The following SPOCK3 variants were observed in gnomAD, a reference collection of about 807,000 sequenced individuals.
SPOCK3 encodes the protein testican-3.
In SPOCK3, 30 loss-of-function variants were observed where a neutral mutation model predicts 56.6. The observed-to-expected ratio is 0.53, with a 90% CI of 0.40 to 0.72. The LOEUF (loss-of-function observed/expected upper bound fraction) is 0.72. SPOCK3 is among the 30% of genes least tolerant of loss of function. SPOCK3 has a pLI of 0.00. For synonymous variants in SPOCK3, 196 were observed against 183.3 expected (o/e 1.07, Z -0.56); for missense variants, 527 against 530.0 (o/e 0.99, Z 0.06).
chr4:167,234,719 A>G (rs1037823924), upstream of SPOCK3: 14 of 164,832 alleles, frequency 8.5e-5, no homozygotes, highest in Middle Eastern at 3.1e-3. Flanking sequence ...TCCCAGCTAC[A>G]GTTGGCTCCG....
chr4:166,925,989 TTCTC>T (rs1234480232), intron 4 of SPOCK3, among the ~76,000 whole-genome samples: 11 of 152,190 alleles, frequency 7.2e-5, no homozygotes, highest in Non-Finnish European at 1.3e-4. Context: ...AATAAACTTC[TTCTC>T]TAAGTTACAC....
chr4:166,778,744 G>A (rs925808161), intron 7 of SPOCK3, among the ~76,000 whole-genome samples: 1 of 151,522 alleles, frequency 6.6e-6, no homozygotes, highest in South Asian at 2.1e-4. Flanking sequence ...TTCTAAAGCA[G>A]GAAGGGTATG....
At chr4:166,824,599 A>T (rs1745269177) in intron 6 of SPOCK3, among the ~76,000 whole-genome samples, 1 of 152,116 alleles carries the variant, frequency 6.6e-6, no homozygotes, top group Non-Finnish European at 1.5e-5. Flanking sequence ...AGACATGAGG[A>T]AGAATCAGCC....
intron 6 of SPOCK3, among the ~76,000 whole-genome samples, chr4:166,834,941 C>T (rs1746460724): frequency 1.3e-5 from 2 of 152,110 alleles, no homozygotes; most frequent in East Asian, 1.9e-4. Flanking sequence ...GTTTTACTAT[C>T]CCAACACTTT....
chr4:167,025,395 G>A (rs1751605616), intron 3 of SPOCK3, among the ~76,000 whole-genome samples: 2 of 151,820 alleles, frequency 1.3e-5, no homozygotes, highest in African/African-American at 2.4e-5. Flanking sequence ...AAGTTGAAAG[G>A]GTAAAAATAC....
intron 3 of SPOCK3, among the ~76,000 whole-genome samples, chr4:167,026,758 G>A (rs1412335893): frequency 6.7e-6 from 1 of 150,248 alleles, no homozygotes; most frequent in Non-Finnish European, 1.5e-5. Flanking sequence ...CATCCTGTAT[G>A]TTAAATTATT....
At chr4:167,223,204 A>T (rs1736229486) in intron 2 of SPOCK3, among the ~76,000 whole-genome samples, 1 of 135,922 alleles carries the variant, frequency 7.4e-6, no homozygotes, top group Non-Finnish European at 1.5e-5. Context: ...AATAATGTAT[A>T]TTTTATATGT....
intron 2 of SPOCK3, among the ~76,000 whole-genome samples, chr4:167,204,478 A>G (rs1733834152): frequency 6.6e-6 from 1 of 152,080 alleles, no homozygotes. Context: ...ACCAGGGGAA[A>G]TGCTAGACAC....
At chr4:166,866,969 T>A (rs918165431) in intron 6 of SPOCK3, among the ~76,000 whole-genome samples, 1 of 152,094 alleles carries the variant, frequency 6.6e-6, no homozygotes, top group Non-Finnish European at 1.5e-5. Flanking sequence ...AGCTTCTGAA[T>A]AAATATAATC....
Position 166,971,012 on chromosome 4 carries a change from C to A in SPOCK3, c.350+29337G>T, listed in dbSNP as rs548575734. Among the ~76,000 whole-genome samples, 5 of 152,232 alleles carry A rather than the reference C, an allele frequency of 3.3e-5. No homozygotes were observed. In the South Asian group the frequency reaches 8.3e-4, roughly 25 times the overall value. ...GAGTGGCTGGGATTATAGGCGCATA[C>A]CAGCATACCTGGCTTTGATTTTTTA... On this transcript the variant is annotated intron_variant, in intron 4 of 10. Transcript: ENST00000357545.
At chr4:167,153,759 A>G (rs2150421391) in intron 2 of SPOCK3, among the ~76,000 whole-genome samples, 1 of 152,366 alleles carries the variant, frequency 6.6e-6, no homozygotes, top group East Asian at 1.9e-4. Context: ...TTCAAATGAC[A>G]CATAGCATCA....
intron 6 of SPOCK3, among the ~76,000 whole-genome samples, chr4:166,829,293 T>C (rs528668051): frequency 6.6e-6 from 1 of 152,224 alleles, no homozygotes; most frequent in Admixed American, 6.5e-5. Flanking sequence ...AAGACTACCT[T>C]TGTAAAGAAT....
intron 2 of SPOCK3, among the ~76,000 whole-genome samples, chr4:167,087,873 C>T (rs187579750): frequency 1.3e-3 from 191 of 152,116 alleles, no homozygotes; most frequent in African/African-American, 4.5e-3. Context: ...CTTTAGCTAT[C>T]AGAATTGTGC....
chr4:167,021,917 T>C (rs1751224283), intron 3 of SPOCK3, among the ~76,000 whole-genome samples: 1 of 152,094 alleles, frequency 6.6e-6, no homozygotes, highest in Non-Finnish European at 1.5e-5. Flanking sequence ...CTTCGGTGGG[T>C]ATTAAGCTTA....
At position 167,058,688 on chromosome 4, in the gene SPOCK3, G is replaced by A. The variant is rs1020749675; in HGVS notation, c.235+3804C>T. Among the ~76,000 whole-genome samples the A allele has an allele frequency of 7.2e-4, 109 of 152,132 alleles. 1 individual carries two copies. The highest frequency in any genetic ancestry group is 2.4e-3 in the African/African-American group (100 of 41,506). On this transcript the variant is annotated intron_variant, in intron 3 of 10. Transcript: ENST00000357545. ...ATGGAACCAAAAAAGAGCCCGCATC[G>A]CCAAGTCAATCCTAAGCCAAATGAA...
chr4:167,234,015 C>T lies in SPOCK3; in HGVS notation c.159G>A (p.Lys53=). 6.2e-7 allele frequency: 1 copy of T among 1,613,990 alleles called. No homozygotes were observed. Among genetic ancestry groups the T allele is most frequent in the South Asian group, 1.1e-5 (1 of 91,086 alleles). ...QWLTTISQYD[K]EVGQWNKFRD... The stretch of plus-strand genomic sequence containing the variant: ...GGAATTTGTTCCACTGTCCGACTTC[C>T]TTGTCATACTGAGAGATTGTGGTGA... Residue 53 remains lysine, a synonymous_variant, in exon 2 of 11, where the codon AAG becomes AAA. Transcript: ENST00000357545.
intron 4 of SPOCK3, among the ~76,000 whole-genome samples, chr4:166,920,451 A>G (rs1307624682): frequency 6.6e-6 from 1 of 152,190 alleles, no homozygotes; most frequent in African/African-American, 2.4e-5. Context: ...ATTTGTATTG[A>G]CAGGTATATT....
chr4:166,798,928 G>A (rs1167755644), intron 6 of SPOCK3, among the ~76,000 whole-genome samples: 2 of 152,088 alleles, frequency 1.3e-5, no homozygotes, highest in Non-Finnish European at 1.5e-5. Context: ...ATACTTGCAT[G>A]AGCAAATCTT....
chr4:167,193,987 C>T (rs896681985), intron 2 of SPOCK3, among the ~76,000 whole-genome samples: 5 of 152,204 alleles, frequency 3.3e-5, no homozygotes, highest in Non-Finnish European at 7.3e-5. Context: ...CTGAAAATTA[C>T]ATAATGTGTA....
Sources: gnomAD v4.1 joint callset for allele counts (sites outside exome capture counted in the v4.1 genomes callset) on GRCh38, gnomAD v4.1.1 for gene constraint, MANE v1.5 for transcripts, NCBI Gene and HGNC (gene_info 2026-07-23, HGNC 2026-07-21) for gene names.